Variants in XKR9 observed in about 807,000 individuals in gnomAD.
XKR9 encodes XK-related protein 9.
Under a neutral mutation model 32.0 loss-of-function variants are expected in XKR9, and 32 were observed. That is an observed-to-expected ratio of 1.00 (90% CI 0.76 to 1.34). XKR9 has a LOEUF of 1.34. Ranked by LOEUF, XKR9 falls within the 40% of genes most tolerant of loss-of-function variation. The pLI, the probability that XKR9 is intolerant of heterozygous loss-of-function variation, is 0.00. For missense variants in XKR9, 546 were observed against 429.7 expected (o/e 1.27, Z -2.39); for synonymous variants, 168 against 143.4 (o/e 1.17, Z -1.22).
the XKR9 span, among the ~76,000 whole-genome samples, chr8:70,812,796 T>C: frequency 2.0e-5 from 3 of 152,048 alleles, no homozygotes; most frequent in Non-Finnish European, 2.9e-5. Flanking sequence ...TAAAAGAGGA[T>C]ACAAACAAAT....
chr8:70,942,448 C>G, the XKR9 span, among the ~76,000 whole-genome samples: 1 of 152,208 alleles, frequency 6.6e-6, no homozygotes, highest in South Asian at 2.1e-4. Context: ...AACCAAAAAA[C>G]AGCCCACAGG....
chr8:71,026,620 G>A, the XKR9 span, among the ~76,000 whole-genome samples: 14 of 152,298 alleles, frequency 9.2e-5, no homozygotes, highest in Admixed American at 2.0e-4. Flanking sequence ...CCTGTACACA[G>A]CAAATTAGCT....
At chr8:70,712,626 G>C (rs1291887895) in intron 4 of XKR9, among the ~76,000 whole-genome samples, 1 of 152,078 alleles carries the variant, frequency 6.6e-6, no homozygotes, top group Non-Finnish European at 1.5e-5. Context: ...TGTTGATGCT[G>C]AGTAGAGCAG....
chr8:70,746,204 A>G (rs192906303), intron 2 of XKR9, among the ~76,000 whole-genome samples: 480 of 150,296 alleles, frequency 3.2e-3, no homozygotes, highest in Non-Finnish European at 4.7e-3. Flanking sequence ...AGCATATAGT[A>G]TATAATTATA....
chr8:71,037,322 G>A, the XKR9 span, among the ~76,000 whole-genome samples: 1 of 152,066 alleles, frequency 6.6e-6, no homozygotes, highest in Non-Finnish European at 1.5e-5. Context: ...ATGTGATTTT[G>A]TTATCATTTT....
chr8:71,030,202 A>G, the XKR9 span, among the ~76,000 whole-genome samples: 1 of 152,180 alleles, frequency 6.6e-6, no homozygotes, highest in Non-Finnish European at 1.5e-5. Flanking sequence ...GATAAAGAAA[A>G]ATGGGTAAAC....
At chr8:70,699,302 AT>A (rs1396264715) in intron 3 of XKR9, among the ~76,000 whole-genome samples, 1 of 152,006 alleles carries the variant, frequency 6.6e-6, no homozygotes, top group Non-Finnish European at 1.5e-5. Context: ...ATTTGGCATG[AT>A]TTTGCAGTGG....
downstream of XKR9, among the ~76,000 whole-genome samples, chr8:70,795,353 T>C (rs1205844886): frequency 6.6e-6 from 1 of 152,144 alleles, no homozygotes; most frequent in Non-Finnish European, 1.5e-5. Context: ...ATGTACCATA[T>C]TTTCTTTATT....
chr8:70,855,495 G>A, the XKR9 span, among the ~76,000 whole-genome samples: 45 of 152,118 alleles, frequency 3.0e-4, no homozygotes, highest in Admixed American at 9.2e-4. Context: ...CCAAATCTAC[G>A]TCTGATTGGT....
At chr8:70,831,471 TG>T in the XKR9 span, among the ~76,000 whole-genome samples, 1 of 151,020 alleles carries the variant, frequency 6.6e-6, no homozygotes, top group Non-Finnish European at 1.5e-5. Context: ...CTAATCCTGT[TG>T]TACTTTTTCC....
chr8:71,021,728 C>T, the XKR9 span, among the ~76,000 whole-genome samples: 12 of 152,062 alleles, frequency 7.9e-5, no homozygotes, highest in African/African-American at 2.2e-4. Flanking sequence ...GTCTCGATCT[C>T]CTGACCTCGT....
chr8:70,983,458 C>A, the XKR9 span, among the ~76,000 whole-genome samples: 1 of 152,208 alleles, frequency 6.6e-6, no homozygotes, highest in Non-Finnish European at 1.5e-5. Context: ...CTCTCCCCAG[C>A]ATCAGCACAT....
chr8:70,669,606 CTGTGTGTGTGTGTGTGTG>C, intron 1 of XKR9, 68 bp downstream of exon 1: 1 of 148,036 alleles, frequency 6.8e-6, no homozygotes, highest in East Asian at 2.0e-4. Context: ...GGCAGTGGCT[CTGTGTGTGTGTGTGTGTG>C]TGTGTGTGTG....
chr8:70,921,727 TG>T, the XKR9 span, among the ~76,000 whole-genome samples: 1 of 152,222 alleles, frequency 6.6e-6, no homozygotes, highest in South Asian at 2.1e-4. Flanking sequence ...AAGGAGCGGC[TG>T]GCAGGCTTTC....
At chr8:70,848,417 A>C in the XKR9 span, among the ~76,000 whole-genome samples, 9 of 151,942 alleles carry the variant, frequency 5.9e-5, no homozygotes, top group African/African-American at 2.2e-4. Context: ...ACTTTCATTT[A>C]ACATAATACT....
At chr8:70,689,529 T>G (rs929290040) in intron 3 of XKR9, among the ~76,000 whole-genome samples, 1 of 149,802 alleles carries the variant, frequency 6.7e-6, no homozygotes, top group Non-Finnish European at 1.5e-5. Context: ...GCCCCGGAGC[T>G]TCCTCTTCTA....
the XKR9 span, among the ~76,000 whole-genome samples, chr8:70,842,787 C>T: frequency 6.2e-4 from 95 of 152,282 alleles, no homozygotes; most frequent in Non-Finnish European, 1.1e-3. Flanking sequence ...AGGGCTGCCC[C>T]GCCACCTGGC....
chr8:70,774,936 T>A (rs1807499349), intron 2 of XKR9, among the ~76,000 whole-genome samples: 1 of 152,144 alleles, frequency 6.6e-6, no homozygotes, highest in South Asian at 2.1e-4. Flanking sequence ...AGAATTTTGA[T>A]TAGGACTGTA....
the XKR9 span, among the ~76,000 whole-genome samples, chr8:70,918,617 T>C: frequency 1.3e-5 from 2 of 151,666 alleles, no homozygotes; most frequent in African/African-American, 4.8e-5. Flanking sequence ...AAAGGTTTCC[T>C]AGGAGGCAGA....
Sources: gnomAD v4.1 joint callset for allele counts (sites outside exome capture counted in the v4.1 genomes callset) on GRCh38, gnomAD v4.1.1 for gene constraint, MANE v1.5 for transcripts, NCBI Gene and HGNC (gene_info 2026-07-23, HGNC 2026-07-21) for gene names.